NELL1: variants seen among roughly 807,000 people sequenced by gnomAD.
The protein encoded by NELL1 is protein kinase C-binding protein NELL1.
NELL1 carries 76 observed loss-of-function variants against 107.4 expected under a neutral mutation model. That is an observed-to-expected ratio of 0.71 (90% CI 0.59 to 0.86). NELL1 has a LOEUF of 0.86. NELL1 is among the 40% of genes least tolerant of loss of function. The pLI is 0.00. For synonymous variants in NELL1, 353 were observed against 341.2 expected, an observed-to-expected ratio of 1.03 and a Z score of -0.38; for missense variants, 1,024 against 1,005.5, an observed-to-expected ratio of 1.02 and a Z score of -0.25.
rs1227511767 is a variant in NELL1, at chr11:20,828,660, T to G, written c.336-18923T>G. ...GCCTTCTGGCCTTCCCACTCTGAGA[T>G]GTCCACCCAGTCTCACGTAGGACAG... On this transcript the variant is annotated intron_variant, in intron 3 of 19. Transcript: ENST00000357134. Among the ~76,000 whole-genome samples, 2 of 152,222 alleles carry G rather than the reference T, an allele frequency of 1.3e-5. 1 individual carries two copies. The highest frequency in any genetic ancestry group is 1.3e-4 in the Admixed American group (2 of 15,276).
chr11:21,179,233 A>T (rs1045804628), intron 13 of NELL1, among the ~76,000 whole-genome samples: 2 of 151,942 alleles, frequency 1.3e-5, no homozygotes, highest in Non-Finnish European at 2.9e-5. Context: ...AATAGAAAGT[A>T]GTGAAGAGAG....
chr11:21,334,904 G>A (rs1303152119), intron 14 of NELL1, among the ~76,000 whole-genome samples: 3 of 151,860 alleles, frequency 2.0e-5, no homozygotes, highest in Admixed American at 1.3e-4. Context: ...GAAAAAAACA[G>A]ATAAAATGCC....
chr11:21,326,992 A>G (rs990721379), intron 14 of NELL1, among the ~76,000 whole-genome samples: 12 of 151,956 alleles, frequency 7.9e-5, no homozygotes, highest in African/African-American at 2.2e-4. Flanking sequence ...ACATGATATT[A>G]TGGATACCTA....
Position 21,573,084 on chromosome 11 carries a change from C to A in NELL1, c.2158-101C>A, listed in dbSNP as rs1485890164. 39 of 842,026 alleles carry A rather than the reference C, an allele frequency of 4.6e-5. No homozygotes were observed. The East Asian group carries it at 9.8e-4, about 21-fold the overall frequency. The allele number at this position is 842,026 out of a possible 1,614,324, so 52.2% of individuals were successfully genotyped here. ...CTCAATGGTGTCAACTAGAAATATT[C>A]AGTGATGAGAATTACTGTGCTCTCT... On this transcript the variant is annotated intron_variant, in intron 18 of 19. Transcript: ENST00000357134.
At chr11:21,309,282 A>ATATATATGTATATATATATATATATATG (rs1849685237) in intron 14 of NELL1, among the ~76,000 whole-genome samples, 14 of 10,318 alleles carry the variant, frequency 1.4e-3, no homozygotes, top group African/African-American at 6.4e-3. Flanking sequence ...ATATATATGT[A>ATATATATGTATATATATATATATATATG]TATATATATA....
At chr11:20,690,850 T>C (rs1854445463) in intron 2 of NELL1, among the ~76,000 whole-genome samples, 1 of 150,768 alleles carries the variant, frequency 6.6e-6, no homozygotes, top group Non-Finnish European at 1.5e-5. Context: ...GGGGATGGCA[T>C]TGAATCTGTA....
At chr11:20,821,451 C>T (rs1857751256) in intron 3 of NELL1, among the ~76,000 whole-genome samples, 1 of 152,180 alleles carries the variant, frequency 6.6e-6, no homozygotes, top group Non-Finnish European at 1.5e-5. Flanking sequence ...TCTGCAGTGA[C>T]ATTATCAGCT....
intron 13 of NELL1, among the ~76,000 whole-genome samples, chr11:21,195,697 T>A (rs1259654793): frequency 1.3e-5 from 2 of 152,298 alleles, no homozygotes; most frequent in Admixed American, 1.3e-4. Context: ...ATTCTTCTTT[T>A]TGGAACTAAG....
chr11:21,130,031 A>C (rs1855579221), intron 13 of NELL1, among the ~76,000 whole-genome samples: 1 of 152,232 alleles, frequency 6.6e-6, no homozygotes, highest in African/African-American at 2.4e-5. Context: ...TAATTTCTTT[A>C]CTACCATAGG....
Position 21,146,585 on chromosome 11 carries a change from C to T in NELL1, c.1426+32871C>T, listed in dbSNP as rs73448553. ...TCTCCTCCTGCCCTTTATCTGGAAG[C>T]CAGCCAACAGGGCCCTCCAGGGATA... is the stretch of plus-strand genomic sequence containing the variant. On this transcript the variant is annotated intron_variant, in intron 13 of 19. Coordinates refer to ENST00000357134, the MANE Select transcript of NELL1 (RefSeq NM_006157.5). Among the ~76,000 whole-genome samples, 283 of 152,256 alleles carry T rather than the reference C, an allele frequency of 1.9e-3. 1 individual carries two copies. The highest frequency in any genetic ancestry group is 6.2e-3 in the African/African-American group (259 of 41,536).
intron 14 of NELL1, among the ~76,000 whole-genome samples, chr11:21,322,993 C>T (rs371291896): frequency 1.3e-5 from 2 of 152,002 alleles, no homozygotes; most frequent in Non-Finnish European, 2.9e-5. Context: ...AAAAAGTGAT[C>T]GGCCAATTCA....
intron 15 of NELL1, among the ~76,000 whole-genome samples, chr11:21,493,288 T>C (rs1239956893): frequency 6.6e-6 from 1 of 152,130 alleles, no homozygotes; most frequent in East Asian, 1.9e-4. Flanking sequence ...TACATGTGCA[T>C]ATTTAGCACT....
chr11:20,731,269 GGCTTAAA>G (rs1590241484), intron 2 of NELL1, among the ~76,000 whole-genome samples: 4 of 152,286 alleles, frequency 2.6e-5, no homozygotes, highest in Admixed American at 1.3e-4. Flanking sequence ...GGCTTTAGTG[GGCTTAAA>G]GCACTTTGGA....
intron 13 of NELL1, among the ~76,000 whole-genome samples, chr11:21,178,867 T>C (rs1465597325): frequency 6.6e-6 from 1 of 151,796 alleles, no homozygotes; most frequent in Non-Finnish European, 1.5e-5. Flanking sequence ...TGGAGGTTTT[T>C]ATGATTAGAC....
At chr11:20,945,256 A>G (rs1248715195) in intron 10 of NELL1, among the ~76,000 whole-genome samples, 4 of 152,208 alleles carry the variant, frequency 2.6e-5, no homozygotes, top group African/African-American at 9.6e-5. Flanking sequence ...ACAATTTTAG[A>G]TGAAAGGTCA....
intron 13 of NELL1, among the ~76,000 whole-genome samples, chr11:21,139,348 C>G (rs1855814149): frequency 6.6e-6 from 1 of 152,188 alleles, no homozygotes; most frequent in Non-Finnish European, 1.5e-5. Flanking sequence ...GAAAGCACTT[C>G]CCCTCACATC....
At chr11:21,531,698 A>T (rs1287287735) in intron 15 of NELL1, among the ~76,000 whole-genome samples, 1 of 152,166 alleles carries the variant, frequency 6.6e-6, no homozygotes, top group Non-Finnish European at 1.5e-5. Flanking sequence ...ACAGTAATTT[A>T]TCAGAATTCC....
At chr11:21,563,477 G>T (rs1435726491) in intron 17 of NELL1, among the ~76,000 whole-genome samples, 1 of 152,016 alleles carries the variant, frequency 6.6e-6, no homozygotes, top group Non-Finnish European at 1.5e-5. Context: ...CTCTGTATTT[G>T]TTGGTTCCAC....
chr11:20,947,105 C>T (rs1378052011), intron 10 of NELL1, among the ~76,000 whole-genome samples: 1 of 151,952 alleles, frequency 6.6e-6, no homozygotes, highest in African/African-American at 2.4e-5. Flanking sequence ...ATAGAAGATA[C>T]TTCAAAACTG....
Sources: gnomAD v4.1 joint callset for allele counts (sites outside exome capture counted in the v4.1 genomes callset) on GRCh38, gnomAD v4.1.1 for gene constraint, MANE v1.5 for transcripts, NCBI Gene and HGNC (gene_info 2026-07-23, HGNC 2026-07-21) for gene names.